The following CPS1 variants were observed in gnomAD, a reference collection of about 807,000 sequenced individuals.
The protein encoded by CPS1 is carbamoyl-phosphate synthase 1.
Under a neutral mutation model 174.6 loss-of-function variants are expected in CPS1, and 109 were observed. That is an observed-to-expected ratio of 0.62 (90% CI 0.53 to 0.73). The LOEUF is 0.73. Among genes scored for constraint, CPS1 ranks in the 30% least tolerant of loss-of-function variants. CPS1 has a pLI of 0.00. For synonymous variants in CPS1, 637 were observed against 632.0 expected (o/e 1.01, Z -0.12); for missense variants, 1,689 against 1,821.9 (o/e 0.93, Z 1.33).
chr2:210,636,212 C>T (rs1208272774), intron 21 of CPS1, among the ~76,000 whole-genome samples: 2 of 152,040 alleles, frequency 1.3e-5, no homozygotes, highest in Non-Finnish European at 2.9e-5. Context: ...GATGCTTTTA[C>T]AGTAGTATTT....
intron 8 of CPS1, 91 bp downstream of exon 8, chr2:210,590,325 T>G: frequency 6.3e-7 from 1 of 1,583,660 alleles, no homozygotes; most frequent in South Asian, 1.1e-5. Flanking sequence ...TTTTATTTAT[T>G]CAGGCATTTT....
chr2:210,574,918 T>G (rs532127505), intron 2 of CPS1, among the ~76,000 whole-genome samples: 1 of 152,210 alleles, frequency 6.6e-6, no homozygotes, highest in South Asian at 2.1e-4. Context: ...ATAAGATTAG[T>G]CCATAGACCC....
intron 7 of CPS1, 37 bp downstream of exon 7, chr2:210,588,184 C>A (rs370984582): frequency 1.3e-6 from 2 of 1,552,116 alleles, no homozygotes; most frequent in South Asian, 1.1e-5. Context: ...GAGGGTTTGT[C>A]ATATTGACCA....
intron 1 of CPS1, among the ~76,000 whole-genome samples, chr2:210,487,331 C>T (rs1320258654): frequency 6.6e-6 from 1 of 152,184 alleles, no homozygotes; most frequent in African/African-American, 2.4e-5. Flanking sequence ...AGTTGGAGGA[C>T]TTGCTCTCTG....
chr2:210,658,721 A>C, intron 31 of CPS1, 33 bp downstream of exon 31: 1 of 1,465,858 alleles, frequency 6.8e-7, no homozygotes. Context: ...AGAGGACACC[A>C]CCACTGTGTT....
chr2:210,616,370 A>T, intron 20 of CPS1, 53 bp from the exon 21 acceptor site: 1 of 1,242,356 alleles, frequency 8.0e-7, no homozygotes, highest in Non-Finnish European at 1.2e-6. Flanking sequence ...TAAACCAAAT[A>T]AGACATTTAG....
At chr2:210,589,155 A>G (rs1698204717) in intron 7 of CPS1, among the ~76,000 whole-genome samples, 1 of 152,052 alleles carries the variant, frequency 6.6e-6, no homozygotes, top group South Asian at 2.1e-4. Context: ...ACGGGCTCTC[A>G]GAGTTCCCTA....
chr2:210,648,868 G>A (rs1399862476), intron 27 of CPS1, among the ~76,000 whole-genome samples: 2 of 152,196 alleles, frequency 1.3e-5, no homozygotes, highest in East Asian at 1.9e-4. Context: ...TCGCCAGCGT[G>A]TTTTCTGATA....
At chr2:210,588,187 A>G in intron 7 of CPS1, 40 bp downstream of exon 7, 2 of 1,550,580 alleles carry the variant, frequency 1.3e-6, no homozygotes. Context: ...GGTTTGTCAT[A>G]TTGACCATTA....
chr2:210,612,173 C>G lies in CPS1; in HGVS notation c.2448C>G (p.Cys816Trp). 6.2e-7 allele frequency: 1 copy of G among 1,612,132 alleles called. No individual in the cohort carries two copies. The highest frequency in any genetic ancestry group is 8.5e-7 in the Non-Finnish European group (1 of 1,178,808). The change falls in exon 20 of 38, where the codon TGC (cysteine) becomes TGG (tryptophan). Residue 816 changes from cysteine (C) to tryptophan (W), a missense_variant. Coordinates refer to ENST00000233072, the MANE Select transcript of CPS1 (RefSeq NM_001875.5). ...EESFQKALRM[C>W]HPSIEGFTPR... Reference sequence around the variant, plus strand: ...GTTTCCAGAAAGCTTTACGGATGTGCCACCCATCTATAGAAGGTTTCACTC... The same window carrying G: ...GTTTCCAGAAAGCTTTACGGATGTGGCACCCATCTATAGAAGGTTTCACTC...
intron 10 of CPS1, among the ~76,000 whole-genome samples, chr2:210,592,570 C>T (rs1459896591): frequency 6.6e-6 from 1 of 151,914 alleles, no homozygotes; most frequent in Non-Finnish European, 1.5e-5. Flanking sequence ...CTTGAGTTTA[C>T]TCTGAACAGA....
At position 210,648,031 on chromosome 2, in the gene CPS1, G is replaced by C; in HGVS notation, c.3310G>C (p.Ala1104Pro). The change falls in exon 26 of 38, where the codon GCA becomes CCA. Residue 1104 changes from alanine to proline, a missense_variant. Physicochemically the swap from Ala to Pro is conservative, Grantham distance 27 (BLOSUM62 -1). Coordinates refer to ENST00000233072, the MANE Select transcript of CPS1 (RefSeq NM_001875.5). ...CTTGGATGAGCTGAAGGTGGCTCAG[G>C]CACCTTGGAAAGCTGTTAATACTTT... ...AVLDELKVAQ[A>P]PWKAVNTLNE... The C allele has an allele frequency of 6.2e-7, 1 of 1,613,968 alleles. No individual in the cohort carries two copies. Among genetic ancestry groups the C allele is most frequent in the Non-Finnish European group, 8.5e-7 (1 of 1,179,906 alleles).
chr2:210,581,530 G>A (rs1353451613), intron 5 of CPS1, among the ~76,000 whole-genome samples: 3 of 152,084 alleles, frequency 2.0e-5, no homozygotes, highest in Non-Finnish European at 4.4e-5. Context: ...AAAAGGGGAA[G>A]GAGAACTAAA....
intron 1 of CPS1, among the ~76,000 whole-genome samples, chr2:210,540,391 A>G (rs1295273418): frequency 2.6e-5 from 4 of 152,214 alleles, no homozygotes; most frequent in Non-Finnish European, 1.5e-5. Flanking sequence ...GCTGCAATGA[A>G]TATCTATATA....
At chr2:210,638,386 T>G (rs74464146) in intron 22 of CPS1, among the ~76,000 whole-genome samples, 3,021 of 151,586 alleles carry the variant, frequency 0.02, 55 homozygotes, top group Admixed American at 0.042. Context: ...AGGTGTGCTG[T>G]TGTGATTTTT....
Position 210,556,724 on chromosome 2 carries a change from A to T in CPS1, c.-10A>T. The T allele has an allele frequency of 6.5e-7, 1 of 1,545,534 alleles. No individual in the cohort carries two copies. Among genetic ancestry groups the T allele is most frequent in the Non-Finnish European group, 8.7e-7 (1 of 1,145,040 alleles). ...GTAATTTCATTTAATTTTAGCCACA[A>T]ATCATCAAAATGACGAGGATTTTGA... On this transcript the variant is annotated 5_prime_UTR_variant, in exon 1 of 38. Coordinates refer to ENST00000233072, the MANE Select transcript of CPS1 (RefSeq NM_001875.5).
chr2:210,556,626 C>G lies in CPS1; in HGVS notation c.-108C>G, dbSNP rs115833796. The G allele has an allele frequency of 1.9e-6, 3 of 1,549,500 alleles. No individual in the cohort carries two copies. Among genetic ancestry groups the G allele is most frequent in the African/African-American group, 1.4e-5 (1 of 72,366 alleles). On this transcript the variant is annotated 5_prime_UTR_variant, in exon 1 of 38. Transcript: ENST00000233072. ...AGATCGCTGTGCAGTCAGCCTTAAACACTGACTGCACCCCTCCCAGATTTC... is the reference window on the plus strand; with the variant it reads ...AGATCGCTGTGCAGTCAGCCTTAAAGACTGACTGCACCCCTCCCAGATTTC...
chr2:210,542,784 T>A (rs1696467100), intron 1 of CPS1, among the ~76,000 whole-genome samples: 1 of 152,116 alleles, frequency 6.6e-6, no homozygotes, highest in Non-Finnish European at 1.5e-5. Context: ...CCAGTTTCTA[T>A]TCTTTCACTT....
At chr2:210,593,541 TG>T (rs1299283902) in intron 11 of CPS1, 1 of 985,828 alleles carries the variant, frequency 1.0e-6, no homozygotes, top group African/African-American at 1.7e-5. Flanking sequence ...CTTAGTTCAT[TG>T]TTCAAACCCA....
Sources: gnomAD v4.1 joint callset for allele counts (sites outside exome capture counted in the v4.1 genomes callset) on GRCh38, gnomAD v4.1.1 for gene constraint, MANE v1.5 for transcripts, NCBI Gene and HGNC (gene_info 2026-07-23, HGNC 2026-07-21) for gene names.